The following FSHR variants were observed in gnomAD, a reference collection of about 807,000 sequenced individuals.
The protein encoded by FSHR is follicle-stimulating hormone receptor.
In FSHR, 46 loss-of-function variants were observed where a neutral mutation model predicts 52.1. The ratio of observed to expected loss-of-function variants is 0.88; its 90% CI spans 0.70 to 1.13. The LOEUF (loss-of-function observed/expected upper bound fraction) is 1.13. Among genes scored for constraint, FSHR ranks in the 50% most tolerant of loss-of-function variants. FSHR has a pLI of 0.00. For missense variants in FSHR, 964 were observed against 834.6 expected (o/e 1.16, Z -1.91); for synonymous variants, 399 against 309.6 (o/e 1.29, Z -3.03).
At position 49,068,302 on chromosome 2, in the gene FSHR, G is replaced by T. The variant is rs1669588426; in HGVS notation, c.153-12C>A. The T allele has an allele frequency of 1.2e-6, 2 of 1,607,162 alleles. No individual in the cohort carries two copies. Among genetic ancestry groups the T allele is most frequent in the African/African-American group, 2.7e-5 (2 of 74,564 alleles). ...TGAGGACAAACCTCCTGCAAAGAGA[G>T]TAGAAATAAAATATCACAACCTATC... On this transcript the variant is annotated splice_polypyrimidine_tract_variant and intron_variant, in intron 1 of 9. Coordinates refer to ENST00000406846, the MANE Select transcript of FSHR (RefSeq NM_000145.4).
Position 49,154,512 on chromosome 2 carries a change from A to T in FSHR, c.-95T>A. ...CCACACAGTGCCCTTATGAGAAGAG[A>T]TCTGACTTGAGAACTGGTAGGGTCA... On this transcript the variant is annotated 5_prime_UTR_variant, in exon 1 of 10. Coordinates refer to ENST00000406846, the MANE Select transcript of FSHR (RefSeq NM_000145.4). The T allele has an allele frequency of 1.5e-6, 2 of 1,310,074 alleles. 1 individual carries two copies. The highest frequency in any genetic ancestry group is 2.2e-6 in the Non-Finnish European group (2 of 916,492). 81.2% of individuals were successfully genotyped at this position (1,310,074 alleles called of 1,614,324 possible).
intron 9 of FSHR, among the ~76,000 whole-genome samples, chr2:48,965,262 T>C (rs1221047480): frequency 2.6e-5 from 4 of 152,168 alleles, no homozygotes; most frequent in African/African-American, 7.2e-5. Flanking sequence ...CCCATCAACC[T>C]GGATGAGAAG....
At chr2:48,986,100 A>G (rs987515371) in intron 6 of FSHR, among the ~76,000 whole-genome samples, 2 of 152,126 alleles carry the variant, frequency 1.3e-5, no homozygotes, top group Non-Finnish European at 2.9e-5. Context: ...TAACCATAGT[A>G]CCCAATAGAT....
At chr2:49,113,562 G>A (rs13004633) in intron 1 of FSHR, among the ~76,000 whole-genome samples, 40,315 of 152,028 alleles carry the variant, frequency 0.27, 5,696 homozygotes, top group East Asian at 0.47. Context: ...AATCTTTTTT[G>A]TTTTTGTTTT....
chr2:49,016,033 A>G (rs1399060732), intron 4 of FSHR, among the ~76,000 whole-genome samples: 2 of 152,084 alleles, frequency 1.3e-5, no homozygotes, highest in Non-Finnish European at 2.9e-5. Context: ...AGGTCATATG[A>G]ATTGTCTCCT....
chr2:48,988,809 T>C (rs763419256), intron 6 of FSHR, among the ~76,000 whole-genome samples, 168 bp downstream of exon 6: 5 of 152,346 alleles, frequency 3.3e-5, no homozygotes, highest in South Asian at 2.1e-4. Flanking sequence ...TGACTCCACA[T>C]TGTGATTCTG....
At chr2:49,143,893 T>C (rs1672778531) in intron 1 of FSHR, among the ~76,000 whole-genome samples, 2 of 151,686 alleles carry the variant, frequency 1.3e-5, no homozygotes, top group South Asian at 4.2e-4. Flanking sequence ...TCTCTAGGAG[T>C]GGGGCAGGGG....
intron 1 of FSHR, among the ~76,000 whole-genome samples, chr2:49,099,892 A>G (rs1670964614): frequency 6.6e-6 from 1 of 152,066 alleles, no homozygotes; most frequent in African/African-American, 2.4e-5. Flanking sequence ...GTTTTAATCC[A>G]CCCAGTTTGT....
chr2:49,036,181 C>T (rs1440473947), intron 2 of FSHR, among the ~76,000 whole-genome samples: 1 of 152,280 alleles, frequency 6.6e-6, no homozygotes, highest in African/African-American at 2.4e-5. Context: ...TTCAGGGACA[C>T]TCCCATTGGA....
intron 2 of FSHR, among the ~76,000 whole-genome samples, chr2:49,021,863 C>CTCTCTCTATATATATA (rs1467766420): frequency 6.0e-5 from 3 of 49,866 alleles, no homozygotes; most frequent in Admixed American, 2.3e-4. Context: ...CTCTCTCTCT[C>CTCTCTCTATATATATA]TATATATATA....
intron 2 of FSHR, chr2:49,059,680 C>G (rs1669210436): frequency 6.6e-6 from 1 of 152,316 alleles, no homozygotes; most frequent in Non-Finnish European, 1.5e-5. Flanking sequence ...AACAGATGCC[C>G]CCTTTCACCT....
At chr2:49,047,133 G>C (rs184076933) in intron 2 of FSHR, among the ~76,000 whole-genome samples, 7 of 152,224 alleles carry the variant, frequency 4.6e-5, no homozygotes, top group South Asian at 2.1e-4. Flanking sequence ...AGGATTTTTT[G>C]TTGTTGTTTT....
chr2:48,963,705 G>A lies in FSHR; in HGVS notation c.1116C>T (p.Ile372=). The change falls in exon 10 of 10, where the codon ATC becomes ATT. Residue 372 remains isoleucine (I), a synonymous_variant. Coordinates refer to ENST00000406846, the MANE Select transcript of FSHR (RefSeq NM_000145.4). The stretch of plus-strand genomic sequence containing the variant: ...TGTTCCCAGTGATGGCCAGGATGCT[G>A]ATAAACCATATCAGGACTCTGAGGA... ...YNILRVLIWF[I]SILAITGNII... 6.2e-7 allele frequency: 1 copy of A among 1,614,164 alleles called. No individual in the cohort carries two copies.
intron 1 of FSHR, among the ~76,000 whole-genome samples, chr2:49,104,286 G>A (rs541641668): frequency 6.6e-6 from 1 of 152,238 alleles, no homozygotes; most frequent in Admixed American, 6.5e-5. Context: ...GTCAGCCATT[G>A]CCACTTCCTC....
chr2:49,103,640 G>A (rs978282845), intron 1 of FSHR, among the ~76,000 whole-genome samples: 1 of 152,094 alleles, frequency 6.6e-6, no homozygotes, highest in African/African-American at 2.4e-5. Flanking sequence ...TTGGTACAGT[G>A]AGGACCTATC....
chr2:49,122,510 C>T (rs1013397317), intron 1 of FSHR, among the ~76,000 whole-genome samples: 2 of 152,078 alleles, frequency 1.3e-5, no homozygotes, highest in African/African-American at 2.4e-5. Context: ...CTTGGATACA[C>T]TCTTTCTTCC....
At chr2:49,062,767 A>C (rs1172686366) in intron 2 of FSHR, among the ~76,000 whole-genome samples, 1 of 152,146 alleles carries the variant, frequency 6.6e-6, no homozygotes, top group African/African-American at 2.4e-5. Context: ...ACATCTCTCA[A>C]AAGAAGACAT....
Position 49,093,595 on chromosome 2 carries a change from C to CCTT in FSHR, c.153-25306_153-25305insAAG, listed in dbSNP as rs1553344384. ...AGCCTTTCTAAAACATTATATTTAT[C>CCTT]TTTTTTTTTTTTTTTTTGAGACGGA... is the stretch of plus-strand genomic sequence containing the variant. On this transcript the variant is annotated intron_variant, in intron 1 of 9. Transcript: ENST00000406846. 1.8e-3 allele frequency among the ~76,000 whole-genome samples: 240 copies of CCTT among 132,934 alleles called. 9 individuals carry two copies. Among genetic ancestry groups the CCTT allele is most frequent in the South Asian group, 4.3e-3 (18 of 4,184 alleles). 87.2% of individuals were successfully genotyped at this position (132,934 alleles called of 152,430 possible).
At chr2:49,020,595 C>T (rs1049198156) in intron 2 of FSHR, among the ~76,000 whole-genome samples, 6 of 151,600 alleles carry the variant, frequency 4.0e-5, no homozygotes, top group African/African-American at 1.5e-4. Flanking sequence ...GCCCAATTGA[C>T]ATTGTAGCCC....
Sources: allele counts gnomAD v4.1 joint callset (sites outside exome capture counted in the v4.1 genomes callset), GRCh38; gene constraint gnomAD v4.1.1; transcripts MANE v1.5; gene names NCBI Gene and HGNC (gene_info 2026-07-23, HGNC 2026-07-21).